NTM: variants seen among roughly 807,000 people sequenced by gnomAD.
NTM encodes IgLON family member 2.
Under a neutral mutation model 42.1 loss-of-function variants are expected in NTM, and 13 were observed. The observed-to-expected ratio is 0.31, with a 90% CI of 0.20 to 0.49. NTM has a LOEUF of 0.49. Among genes scored for constraint, NTM ranks in the 20% least tolerant of loss-of-function variants. The pLI, the probability that NTM is intolerant of heterozygous loss-of-function variation, is 0.99. For missense variants in NTM, 373 were observed against 452.8 expected, an observed-to-expected ratio of 0.82 and a Z score of 1.60; for synonymous variants, 187 against 179.2, an observed-to-expected ratio of 1.04 and a Z score of -0.35.
chr11:132,159,381 C>T (rs2073861285), intron 3 of NTM, among the ~76,000 whole-genome samples: 2 of 152,092 alleles, frequency 1.3e-5, no homozygotes, highest in South Asian at 2.1e-4. Context: ...AAGTTGACAC[C>T]TTTGTAAAAG....
chr11:132,265,623 G>A (rs2093135520), intron 4 of NTM, among the ~76,000 whole-genome samples: 1 of 152,120 alleles, frequency 6.6e-6, no homozygotes, highest in Admixed American at 6.5e-5. Context: ...TGAAAAGCTG[G>A]GTCAAATGCA....
chr11:131,716,216 C>T (rs984948178), intron 1 of NTM, among the ~76,000 whole-genome samples: 1 of 152,088 alleles, frequency 6.6e-6, no homozygotes, highest in African/African-American at 2.4e-5. Flanking sequence ...AGCACTAATC[C>T]CATTCATGAG....
chr11:131,632,259 C>T (rs1038768430), intron 1 of NTM, among the ~76,000 whole-genome samples: 6 of 152,092 alleles, frequency 3.9e-5, no homozygotes, highest in Non-Finnish European at 5.9e-5. Flanking sequence ...TTGTTTTTCT[C>T]GGCACTGACT....
chr11:131,749,054 A>C lies in NTM; in HGVS notation c.83-162510A>C, dbSNP rs2082165158. Among the ~76,000 whole-genome samples the C allele has an allele frequency of 2.0e-5, 3 of 152,210 alleles. No homozygotes were observed. The South Asian group carries it at 6.2e-4, about 32-fold the overall frequency. ...TCATGACCATTGCACTTAAATAATC[A>C]ACACTCTTTGGGCACTGTGATAAAT... On this transcript the variant is annotated intron_variant, in intron 1 of 8. Transcript: ENST00000683400.
chr11:132,322,037 A>G (rs2095580861), intron 7 of NTM, among the ~76,000 whole-genome samples: 1 of 152,132 alleles, frequency 6.6e-6, no homozygotes, highest in African/African-American at 2.4e-5. Context: ...AGTGCTAAAC[A>G]TGGAAAGGAA....
At chr11:131,557,778 G>A (rs2055654170) in intron 1 of NTM, among the ~76,000 whole-genome samples, 1 of 152,036 alleles carries the variant, frequency 6.6e-6, no homozygotes, top group Non-Finnish European at 1.5e-5. Flanking sequence ...GGAGTGGAGG[G>A]TGAGTAGTGG....
intron 4 of NTM, among the ~76,000 whole-genome samples, chr11:132,220,749 C>T (rs938300847): frequency 6.6e-6 from 1 of 152,184 alleles, no homozygotes; most frequent in Non-Finnish European, 1.5e-5. Context: ...ACTTGGTGAC[C>T]GTTACCATGC....
chr11:131,389,960 A>T (rs1943800402), intron 1 of NTM, among the ~76,000 whole-genome samples: 1 of 152,202 alleles, frequency 6.6e-6, no homozygotes, highest in African/African-American at 2.4e-5. Context: ...CAGATGCAAC[A>T]GAGAGAACTG....
chr11:132,105,837 C>A (rs755117141), intron 2 of NTM, among the ~76,000 whole-genome samples: 4 of 152,112 alleles, frequency 2.6e-5, no homozygotes, highest in Non-Finnish European at 5.9e-5. Context: ...TCCGTTTTAA[C>A]CTAAAGATTG....
chr11:132,272,590 AT>A (rs1454924138), intron 4 of NTM, among the ~76,000 whole-genome samples: 1 of 152,090 alleles, frequency 6.6e-6, no homozygotes, highest in Admixed American at 6.5e-5. Context: ...GTTTGTCACT[AT>A]TTTATTAAAT....
At chr11:132,050,010 A>T (rs1332255950) in intron 2 of NTM, among the ~76,000 whole-genome samples, 1 of 152,040 alleles carries the variant, frequency 6.6e-6, no homozygotes, top group Non-Finnish European at 1.5e-5. Flanking sequence ...TTTCCCACTG[A>T]CCTTTACTGA....
chr11:131,785,940 G>A (rs955840155), intron 1 of NTM, among the ~76,000 whole-genome samples: 2 of 152,186 alleles, frequency 1.3e-5, no homozygotes, highest in Non-Finnish European at 2.9e-5. Context: ...TAGTGCAGGC[G>A]TTCTATGTTG....
intron 1 of NTM, among the ~76,000 whole-genome samples, chr11:131,387,001 T>G (rs1226293988): frequency 3.3e-5 from 5 of 152,190 alleles, no homozygotes; most frequent in Non-Finnish European, 7.3e-5. Flanking sequence ...GCTTATTATA[T>G]CAAATACATT....
intron 6 of NTM, among the ~76,000 whole-genome samples, chr11:132,312,005 C>G (rs2095295269): frequency 6.6e-6 from 1 of 152,116 alleles, no homozygotes; most frequent in African/African-American, 2.4e-5. Context: ...GATGGCCTCT[C>G]CTTTTCTCCC....
intron 7 of NTM, chr11:132,315,127 C>T (rs904680477): frequency 1.7e-5 from 16 of 961,134 alleles, no homozygotes; most frequent in Non-Finnish European, 1.9e-5. Flanking sequence ...CTGTGGGAAT[C>T]ATAATTGGGT....
At chr11:131,770,840 C>G (rs2085959435) in intron 1 of NTM, 1 of 152,168 alleles carries the variant, frequency 6.6e-6, no homozygotes, top group Non-Finnish European at 1.5e-5. Flanking sequence ...TCAACTGGAT[C>G]AGAAACATCA....
At chr11:131,377,420 T>C (rs1474478325) in intron 1 of NTM, among the ~76,000 whole-genome samples, 2 of 152,160 alleles carry the variant, frequency 1.3e-5, no homozygotes, top group African/African-American at 4.8e-5. Flanking sequence ...GCCAAGAAGA[T>C]AAAAGGAGAA....
intron 1 of NTM, among the ~76,000 whole-genome samples, chr11:131,466,907 G>A (rs926833133): frequency 2.6e-5 from 4 of 152,156 alleles, no homozygotes; most frequent in Non-Finnish European, 5.9e-5. Context: ...GCAAGGACAA[G>A]GGGAATGAAA....
At chr11:132,135,676 G>T (rs1036029251) in intron 2 of NTM, among the ~76,000 whole-genome samples, 1 of 152,214 alleles carries the variant, frequency 6.6e-6, no homozygotes, top group African/African-American at 2.4e-5. Context: ...TGTGGAGGTG[G>T]GGGTGCAAAC....
Sources: gnomAD v4.1 joint callset for allele counts (sites outside exome capture counted in the v4.1 genomes callset) on GRCh38, gnomAD v4.1.1 for gene constraint, MANE v1.5 for transcripts, NCBI Gene and HGNC (gene_info 2026-07-23, HGNC 2026-07-21) for gene names.